Variants in NCF2 observed in about 807,000 individuals in gnomAD.
The protein encoded by NCF2 is neutrophil cytosolic factor 2.
In NCF2, 45 loss-of-function variants were observed where a neutral mutation model predicts 70.9. That is an observed-to-expected ratio of 0.63 (90% confidence interval 0.50 to 0.81). The LOEUF (loss-of-function observed/expected upper bound fraction) is 0.81. NCF2 is among the 40% of genes least tolerant of loss of function. NCF2 has a pLI of 0.00. For missense variants in NCF2, 522 were observed against 631.6 expected (o/e 0.83, Z 1.86); for synonymous variants, 203 against 233.6 (o/e 0.87, Z 1.19).
At chr1:183,565,831 A>C in intron 9 of NCF2, 52 bp from the exon 10 acceptor site, 1 of 1,583,502 alleles carries the variant, frequency 6.3e-7, no homozygotes, top group Middle Eastern at 1.7e-4. Flanking sequence ...GTTCCCAGGC[A>C]GGGGTGGATG....
chr1:183,590,438 T>G lies in NCF2; in HGVS notation c.-109A>C. 1 of 1,238,024 alleles carries G rather than the reference T, an allele frequency of 8.1e-7. No individual in the cohort carries two copies. The highest frequency in any genetic ancestry group is 2.4e-5 in the East Asian group (1 of 41,714). The allele number at this position is 1,238,024 out of a possible 1,614,324, so 76.7% of individuals were successfully genotyped here. A position where few individuals can be genotyped will look rare whatever the true frequency, so the allele number is the denominator to read the frequency against. ...CTTAGTGGCCCCCAAGGTGTTCACT[T>G]TCTGGGCCAGATGAGTAGAATGGGG... On this transcript the variant is annotated 5_prime_UTR_variant, in exon 1 of 15. Transcript: ENST00000367535.
intron 2 of NCF2, among the ~76,000 whole-genome samples, chr1:183,579,871 A>C (rs1558102490): frequency 6.6e-6 from 1 of 151,340 alleles, no homozygotes; most frequent in Non-Finnish European, 1.5e-5. Context: ...TTTTTTTACT[A>C]TTGTTTTTGT....
At chr1:183,563,157 G>A in intron 13 of NCF2, 38 bp downstream of exon 13, 1 of 1,577,904 alleles carries the variant, frequency 6.3e-7, no homozygotes, top group Non-Finnish European at 8.7e-7. Flanking sequence ...AAGTGGCTCA[G>A]TGGAAATGTA....
intron 2 of NCF2, among the ~76,000 whole-genome samples, chr1:183,585,174 A>G (rs1257040295): frequency 1.3e-5 from 2 of 152,204 alleles, no homozygotes; most frequent in Non-Finnish European, 2.9e-5. Flanking sequence ...GTTTCTGACC[A>G]AACCATAGGA....
intron 2 of NCF2, among the ~76,000 whole-genome samples, chr1:183,581,248 C>T (rs1673050296): frequency 7.0e-6 from 1 of 142,452 alleles, no homozygotes. Context: ...CACCACTCCA[C>T]TCCAGCCTGG....
In NCF2 at chr1:183,558,377, C is replaced by T. The variant is rs539934135; in HGVS notation, c.1468+1719G>A. On this transcript the variant is annotated intron_variant, in intron 14 of 14. Coordinates refer to ENST00000367535, the MANE Select transcript of NCF2 (RefSeq NM_000433.4). Reference sequence around the variant, plus strand: ...CCTCCTCCTGGGTTCAAGAGATTGTCCTGCCTCAGCCTCCTGAATAGCTGG... The same window carrying T: ...CCTCCTCCTGGGTTCAAGAGATTGTTCTGCCTCAGCCTCCTGAATAGCTGG... Among the ~76,000 whole-genome samples, 149 of 148,954 alleles carry T rather than the reference C, an allele frequency of 1.0e-3. 1 individual carries two copies. The highest frequency in any genetic ancestry group is 1.8e-3 in the Non-Finnish European group (124 of 67,628).
At chr1:183,595,700 T>C (rs1673751445), upstream of NCF2, among the ~76,000 whole-genome samples, 1 of 152,174 alleles carries the variant, frequency 6.6e-6, no homozygotes, top group Admixed American at 6.5e-5. Context: ...CTTCATTAAG[T>C]CTCTTACCTC....
chr1:183,585,982 T>A (rs1483068476), intron 2 of NCF2, among the ~76,000 whole-genome samples: 2 of 152,224 alleles, frequency 1.3e-5, no homozygotes, highest in Non-Finnish European at 2.9e-5. Context: ...CTTCCAGACT[T>A]TATTCTGTGA....
At chr1:183,567,461 A>C in intron 7 of NCF2, 116 bp from the exon 8 acceptor site, 1 of 1,410,516 alleles carries the variant, frequency 7.1e-7, no homozygotes, top group Non-Finnish European at 9.9e-7. Flanking sequence ...TCCACATCTA[A>C]CTGCAACTGC....
intron 2 of NCF2, among the ~76,000 whole-genome samples, chr1:183,582,275 C>T (rs542683388): frequency 2.0e-5 from 3 of 152,340 alleles, no homozygotes; most frequent in African/African-American, 7.2e-5. Flanking sequence ...CAGGAGGCAG[C>T]CAAGGTGCTG....
chr1:183,563,028 T>A (rs902411468), intron 13 of NCF2, among the ~76,000 whole-genome samples, 167 bp downstream of exon 13: 2 of 152,130 alleles, frequency 1.3e-5, no homozygotes, highest in Non-Finnish European at 1.5e-5. Context: ...CTGCTGCAAA[T>A]GGGGTGAGGA....
chr1:183,579,720 C>T (rs1438751256), intron 2 of NCF2, among the ~76,000 whole-genome samples: 3 of 111,844 alleles, frequency 2.7e-5, no homozygotes, highest in South Asian at 3.0e-4. Flanking sequence ...GCCTGGGTGA[C>T]AGAGTGAGAC....
upstream of NCF2, among the ~76,000 whole-genome samples, chr1:183,591,801 A>G (rs1673665147): frequency 6.6e-6 from 1 of 152,118 alleles, no homozygotes; most frequent in Admixed American, 6.6e-5. Context: ...AATAACTTTT[A>G]TGAACATTCA....
chr1:183,569,212 A>G (rs780715462), intron 6 of NCF2, 27 bp from the exon 7 acceptor site: 4 of 1,612,262 alleles, frequency 2.5e-6, no homozygotes, highest in Non-Finnish European at 3.4e-6. Flanking sequence ...AGAAGTGAAA[A>G]CGGAAAAGGC....
chr1:183,561,744 G>A (rs1315519168), intron 13 of NCF2, among the ~76,000 whole-genome samples: 1 of 135,934 alleles, frequency 7.4e-6, no homozygotes, highest in South Asian at 2.3e-4. Flanking sequence ...GCCTCCCAAA[G>A]TGCTAGGATT....
chr1:183,595,596 C>T (rs1448401251), upstream of NCF2, among the ~76,000 whole-genome samples: 1 of 152,124 alleles, frequency 6.6e-6, no homozygotes, highest in East Asian at 1.9e-4. Flanking sequence ...TGCTGCCAAG[C>T]TCCCTTGGTT....
intron 10 of NCF2, among the ~76,000 whole-genome samples, chr1:183,564,259 A>G (rs1208179933): frequency 2.0e-5 from 3 of 152,096 alleles, no homozygotes; most frequent in Admixed American, 6.6e-5. Context: ...TAGGGAGCCT[A>G]TAGGTAATTA....
At chr1:183,600,998 T>C in the NCF2 span, among the ~76,000 whole-genome samples, 1 of 152,204 alleles carries the variant, frequency 6.6e-6, no homozygotes, top group Non-Finnish European at 1.5e-5. Flanking sequence ...ATATTTATTG[T>C]TTTACTTTAG....
chr1:183,597,105 A>T, the NCF2 span, among the ~76,000 whole-genome samples: 2 of 152,214 alleles, frequency 1.3e-5, no homozygotes, highest in African/African-American at 4.8e-5. Context: ...AATATGGTTG[A>T]TGTGGCATGA....
Sources: allele counts gnomAD v4.1 joint callset (sites outside exome capture counted in the v4.1 genomes callset), GRCh38; gene constraint gnomAD v4.1.1; transcripts MANE v1.5; gene names NCBI Gene and HGNC (gene_info 2026-07-23, HGNC 2026-07-21).